The following PPP3CA variants were observed in gnomAD, a reference collection of about 807,000 sequenced individuals.
PPP3CA encodes CAM-PRP catalytic subunit.
Under a neutral mutation model 66.5 loss-of-function variants are expected in PPP3CA, and 14 were observed. That is an observed-to-expected ratio of 0.21 (90% CI 0.14 to 0.33). PPP3CA has a LOEUF of 0.33. PPP3CA is among the 10% of genes least tolerant of loss of function. The pLI, the probability that PPP3CA is intolerant of heterozygous loss-of-function variation, is 1.00. For missense variants in PPP3CA, 317 were observed against 639.5 expected (o/e 0.50, Z 5.44); for synonymous variants, 232 against 226.2 (o/e 1.03, Z -0.23).
chr4:101,269,067 T>G (rs903588539), intron 1 of PPP3CA, among the ~76,000 whole-genome samples: 6 of 152,142 alleles, frequency 3.9e-5, no homozygotes, highest in Admixed American at 2.0e-4. Context: ...TTGTTATCTT[T>G]TAGCAATGTT....
intron 2 of PPP3CA, among the ~76,000 whole-genome samples, chr4:101,176,600 A>AAAT (rs1408719764): frequency 6.6e-6 from 1 of 152,184 alleles, no homozygotes; most frequent in Non-Finnish European, 1.5e-5. Flanking sequence ...TTAGAGCAGA[A>AAAT]AATAGCACAG....
At chr4:101,206,730 A>G (rs769958158) in intron 1 of PPP3CA, among the ~76,000 whole-genome samples, 4 of 152,212 alleles carry the variant, frequency 2.6e-5, no homozygotes, top group Non-Finnish European at 5.9e-5. Flanking sequence ...GTAAGAAAGG[A>G]TTGTCTTTTC....
At chr4:101,268,442 G>A (rs1337961881) in intron 1 of PPP3CA, among the ~76,000 whole-genome samples, 1 of 151,986 alleles carries the variant, frequency 6.6e-6, no homozygotes, top group Non-Finnish European at 1.5e-5. Context: ...AGTTTTTATG[G>A]TGCCATAGGA....
In PPP3CA at chr4:101,316,488, G is replaced by A. The variant is rs530352246; in HGVS notation, c.58+30251C>T. ...TGTTTCTGTCAGACAAACTCGGGTG[G>A]GATTTGTTTTATAAATACTAATGTT... On this transcript the variant is annotated intron_variant, in intron 1 of 13. Transcript: ENST00000394854. 6.6e-5 allele frequency among the ~76,000 whole-genome samples: 10 copies of A among 152,118 alleles called. No homozygotes were observed. The South Asian group carries it at 2.1e-3, about 32-fold the overall frequency.
intron 1 of PPP3CA, among the ~76,000 whole-genome samples, chr4:101,225,857 T>C (rs181733123): frequency 3.4e-4 from 51 of 151,888 alleles, no homozygotes; most frequent in African/African-American, 1.1e-3. Flanking sequence ...CAAATATCAA[T>C]ATGTGAAACA....
At chr4:101,321,221 A>G (rs1366432753) in intron 1 of PPP3CA, among the ~76,000 whole-genome samples, 3 of 152,242 alleles carry the variant, frequency 2.0e-5, no homozygotes, top group African/African-American at 7.2e-5. Context: ...TCAAGGATAG[A>G]TCTACAGAGG....
intron 2 of PPP3CA, among the ~76,000 whole-genome samples, chr4:101,124,733 AAGAAAGAAAGAAAGAAAG>A (rs1722173118): frequency 2.9e-5 from 2 of 69,190 alleles, no homozygotes; most frequent in African/African-American, 1.2e-4. Flanking sequence ...AAGAGAAAGA[AAGAAAGAAAGAAAGAAAG>A]AAAGAAAGAA....
chr4:101,194,845 G>T (rs538479061), intron 2 of PPP3CA, among the ~76,000 whole-genome samples: 1 of 152,048 alleles, frequency 6.6e-6, no homozygotes, highest in Non-Finnish European at 1.5e-5. Context: ...GGGATTATAA[G>T]AGTTAGCCAC....
chr4:101,241,709 A>G (rs1030308640), intron 1 of PPP3CA, among the ~76,000 whole-genome samples: 2 of 151,998 alleles, frequency 1.3e-5, no homozygotes, highest in Admixed American at 6.6e-5. Flanking sequence ...TATTTGCTTT[A>G]TTTTTTTACT....
At chr4:101,093,003 C>T (rs920498006) in intron 6 of PPP3CA, among the ~76,000 whole-genome samples, 5 of 152,132 alleles carry the variant, frequency 3.3e-5, no homozygotes, top group Admixed American at 6.5e-5. Flanking sequence ...AATGGTATTT[C>T]TGGTTCTAGA....
intron 1 of PPP3CA, among the ~76,000 whole-genome samples, chr4:101,275,385 T>C (rs776185543): frequency 2.0e-5 from 3 of 152,212 alleles, no homozygotes; most frequent in Non-Finnish European, 2.9e-5. Flanking sequence ...TAATCGCCTA[T>C]AGAAAGTTAT....
At chr4:101,168,701 T>C (rs1723772749) in intron 2 of PPP3CA, among the ~76,000 whole-genome samples, 1 of 152,120 alleles carries the variant, frequency 6.6e-6, no homozygotes, top group Admixed American at 6.6e-5. Context: ...AAAGAAAGAC[T>C]AAAAATTGGC....
chr4:101,049,613 A>G (rs957325017), intron 10 of PPP3CA, among the ~76,000 whole-genome samples: 1 of 152,084 alleles, frequency 6.6e-6, no homozygotes, highest in Non-Finnish European at 1.5e-5. Flanking sequence ...TACTGAGGAC[A>G]TAATTGTGCA....
chr4:101,251,255 A>G (rs554910462), intron 1 of PPP3CA, among the ~76,000 whole-genome samples: 1 of 152,232 alleles, frequency 6.6e-6, no homozygotes, highest in African/African-American at 2.4e-5. Flanking sequence ...TTAGAAAAAA[A>G]TGAAATATAT....
At chr4:101,262,734 T>A (rs1370953488) in intron 1 of PPP3CA, among the ~76,000 whole-genome samples, 1 of 152,196 alleles carries the variant, frequency 6.6e-6, no homozygotes, top group Non-Finnish European at 1.5e-5. Flanking sequence ...TTCAACTGTA[T>A]GTGTGCCTTC....
At position 101,025,760 on chromosome 4, in the gene PPP3CA, T is replaced by C; in HGVS notation, c.*105A>G. On this transcript the variant is annotated 3_prime_UTR_variant, in exon 14 of 14. Transcript: ENST00000394854. ...CTGGCCCCCAGAGCAAATAAGCTAC[T>C]GTCAGAGGCAAGAACATCCAACTGC... The C allele has an allele frequency of 4.4e-6, 4 of 901,536 alleles. No individual in the cohort carries two copies. Among genetic ancestry groups the C allele is most frequent in the Non-Finnish European group, 6.4e-6 (4 of 622,562 alleles). The allele number at this position is 901,536 out of a possible 1,614,324, so 55.8% of individuals were successfully genotyped here.
At chr4:101,098,980 C>A (rs1730323509) in intron 4 of PPP3CA, among the ~76,000 whole-genome samples, 1 of 152,058 alleles carries the variant, frequency 6.6e-6, no homozygotes, top group South Asian at 2.1e-4. Flanking sequence ...GAGGAGAAGT[C>A]TTTATGCTCC....
In PPP3CA at chr4:101,071,186, T is replaced by C. The variant is rs1357670176; in HGVS notation, c.956-7829A>G. 2.6e-5 allele frequency among the ~76,000 whole-genome samples: 4 copies of C among 152,316 alleles called. No individual in the cohort carries two copies. In the East Asian group the frequency reaches 7.7e-4, roughly 29 times the overall value. On this transcript the variant is annotated intron_variant, in intron 8 of 13. Coordinates refer to ENST00000394854, the MANE Select transcript of PPP3CA (RefSeq NM_000944.5). ...ACTCTGGTGGGAGGTATTTTGAAAC[T>C]GGTGTTATCACTACACATTCGTAGA...
intron 1 of PPP3CA, among the ~76,000 whole-genome samples, chr4:101,267,719 C>T (rs1418110708): frequency 1.3e-5 from 2 of 151,978 alleles, no homozygotes; most frequent in Non-Finnish European, 2.9e-5. Flanking sequence ...ATACTAGTAA[C>T]AAAAGTGAAC....
Sources: allele counts gnomAD v4.1 joint callset (sites outside exome capture counted in the v4.1 genomes callset), GRCh38; gene constraint gnomAD v4.1.1; transcripts MANE v1.5; gene names NCBI Gene and HGNC (gene_info 2026-07-23, HGNC 2026-07-21).